BAALC: variants seen among roughly 807,000 people sequenced by gnomAD.
BAALC encodes BAALC binder of MAP3K1 and KLF4, also known as brain and acute leukemia cytoplasmic protein.
BAALC carries 9 observed loss-of-function variants against 15.5 expected under a neutral mutation model. The ratio of observed to expected loss-of-function variants is 0.58; its 90% CI spans 0.35 to 1.02. The LOEUF (loss-of-function observed/expected upper bound fraction) is 1.02. Among genes scored for constraint, BAALC ranks in the 50% least tolerant of loss-of-function variants. The pLI is 0.02. For missense variants in BAALC, 201 were observed against 192.4 expected, an observed-to-expected ratio of 1.04 and a Z score of -0.27; for synonymous variants, 80 against 74.6, an observed-to-expected ratio of 1.07 and a Z score of -0.37.
At chr8:103,168,003 C>T (rs1811386984) in intron 1 of BAALC, among the ~76,000 whole-genome samples, 1 of 152,168 alleles carries the variant, frequency 6.6e-6, no homozygotes, top group African/African-American at 2.4e-5. Context: ...CCTGACTTCT[C>T]TTTCAGAGCA....
rs776617978 is a variant in BAALC, at chr8:103,213,057, A to G, written c.299A>G (p.Gln100Arg). Reference protein sequence around the residue: ...PQSLSSGPLTQKQNGLQTTEA... With the variant: ...PQSLSSGPLTRKQNGLQTTEA... ...AGCCTCAGCTCAGGCCCTCTGACCC[A>G]GAAACAGAATGGCCTTCAGACCACA... is the stretch of plus-strand genomic sequence containing the variant. Residue 100 changes from glutamine to arginine, a missense_variant, in exon 2 of 3, where the codon CAG becomes CGG. Gln to Arg is a conservative substitution (Grantham distance 43, BLOSUM62 1). Coordinates refer to ENST00000309982, the MANE Select transcript of BAALC (RefSeq NM_024812.3). 1 of 1,614,040 alleles carries G rather than the reference A, an allele frequency of 6.2e-7. No individual in the cohort carries two copies. The highest frequency in any genetic ancestry group is 2.2e-5 in the East Asian group (1 of 44,864).
rs747981977 is a variant in BAALC, at chr8:103,141,019, C to G, written c.122C>G (p.Ala41Gly). The change falls in exon 1 of 3, where the codon GCC (alanine) becomes GGC (glycine). Residue 41 changes from alanine (A) to glycine (G), a missense_variant. Transcript: ENST00000309982. The part of the protein sequence containing the change: ...TDSDAPPSAA[A>G]PDSGPEAGGL... ...TCGGACGCGCCGCCCAGCGCCGCCGCCCCGGACAGCGGCCCCGAAGCGGGC... is the reference window on the plus strand; with the variant it reads ...TCGGACGCGCCGCCCAGCGCCGCCGGCCCGGACAGCGGCCCCGAAGCGGGC... The G allele has an allele frequency of 7.2e-6, 11 of 1,519,626 alleles. No individual in the cohort carries two copies. Among genetic ancestry groups the G allele is most frequent in the Admixed American group, 2.1e-5 (1 of 47,600 alleles). 94.1% of individuals were successfully genotyped at this position (1,519,626 alleles called of 1,614,324 possible).
intron 2 of BAALC, among the ~76,000 whole-genome samples, chr8:103,219,875 G>A (rs965275498): frequency 3.9e-5 from 6 of 152,160 alleles, no homozygotes; most frequent in African/African-American, 7.2e-5. Flanking sequence ...CAAAGCTCTC[G>A]TCTTTAATCT....
intron 2 of BAALC, among the ~76,000 whole-genome samples, chr8:103,225,615 A>G (rs1259449540): frequency 6.6e-6 from 1 of 152,164 alleles, no homozygotes; most frequent in Non-Finnish European, 1.5e-5. Flanking sequence ...AGATCCCACA[A>G]GGAGACCTGG....
At chr8:103,171,316 AGT>A (rs1425267484) in intron 1 of BAALC, among the ~76,000 whole-genome samples, 1 of 149,748 alleles carries the variant, frequency 6.7e-6, no homozygotes, top group Non-Finnish European at 1.5e-5. Context: ...AGGAGGAAAC[AGT>A]GAGAGAAAGA....
At chr8:103,171,411 AAAG>A (rs1311497757) in intron 1 of BAALC, among the ~76,000 whole-genome samples, 1 of 105,006 alleles carries the variant, frequency 9.5e-6, no homozygotes, top group East Asian at 2.4e-4. Flanking sequence ...GAAAGAAAGA[AAAG>A]AGAGAGAATG....
At chr8:103,220,869 A>G (rs1213363138) in intron 2 of BAALC, among the ~76,000 whole-genome samples, 1 of 152,180 alleles carries the variant, frequency 6.6e-6, no homozygotes, top group African/African-American at 2.4e-5. Context: ...TTGGTGTCTC[A>G]CACATCATAA....
intron 2 of BAALC, 83 bp downstream of exon 2, chr8:103,213,168 G>T: frequency 7.1e-7 from 1 of 1,416,558 alleles, no homozygotes; most frequent in Non-Finnish European, 9.5e-7. Context: ...CAGCCGCTAT[G>T]TCCAGGGAGG....
intron 1 of BAALC, among the ~76,000 whole-genome samples, chr8:103,161,902 C>T (rs1811233261): frequency 6.6e-6 from 1 of 152,140 alleles, no homozygotes; most frequent in Admixed American, 6.6e-5. Context: ...TCTGGAAAAA[C>T]TGCCATTTCT....
intron 1 of BAALC, among the ~76,000 whole-genome samples, chr8:103,193,089 C>A (rs1014332703): frequency 3.3e-5 from 5 of 152,188 alleles, no homozygotes; most frequent in African/African-American, 1.2e-4. Context: ...TTCAGCATAA[C>A]CAAGTTTCAG....
chr8:103,159,584 G>T (rs1811176657), intron 1 of BAALC, among the ~76,000 whole-genome samples: 1 of 151,972 alleles, frequency 6.6e-6, no homozygotes, highest in Non-Finnish European at 1.5e-5. Flanking sequence ...ATATTGGATG[G>T]GTTTTAACTC....
intron 1 of BAALC, among the ~76,000 whole-genome samples, chr8:103,174,227 A>G (rs944713866): frequency 1.3e-5 from 2 of 149,220 alleles, no homozygotes; most frequent in Admixed American, 6.7e-5. Flanking sequence ...ACAAATTCCA[A>G]TTTGGTTGTC....
intron 1 of BAALC, among the ~76,000 whole-genome samples, chr8:103,178,528 A>T (rs1811652674): frequency 6.6e-6 from 1 of 152,170 alleles, no homozygotes; most frequent in South Asian, 2.1e-4. Context: ...ACTCTGTACG[A>T]TTTCTTACAA....
chr8:103,165,671 T>C (rs1255313401), intron 1 of BAALC: 2 of 152,324 alleles, frequency 1.3e-5, no homozygotes, highest in East Asian at 1.9e-4. Context: ...TTATGACTTA[T>C]TTGTTTTTGC....
chr8:103,180,514 C>T (rs1811702877), intron 1 of BAALC, among the ~76,000 whole-genome samples: 1 of 152,196 alleles, frequency 6.6e-6, no homozygotes, highest in Non-Finnish European at 1.5e-5. Context: ...AAAGCACCAA[C>T]CTCACATGTT....
chr8:103,186,565 C>A (rs750981783), intron 1 of BAALC, among the ~76,000 whole-genome samples: 1 of 152,162 alleles, frequency 6.6e-6, no homozygotes, highest in Non-Finnish European at 1.5e-5. Context: ...CCAATAGAGA[C>A]GATTTTTTGT....
intron 1 of BAALC, chr8:103,165,818 CACTT>C (rs1811333480): frequency 6.6e-6 from 1 of 152,224 alleles, no homozygotes; most frequent in Admixed American, 6.5e-5. Context: ...GTTAGTAAGA[CACTT>C]ACCCTCTTTG....
intron 1 of BAALC, among the ~76,000 whole-genome samples, chr8:103,171,325 AAGAG>A (rs1034620002): frequency 5.4e-5 from 8 of 148,456 alleles, no homozygotes; most frequent in Non-Finnish European, 1.2e-4. Context: ...CAGTGAGAGA[AAGAG>A]AGAAAGAAGG....
intron 1 of BAALC, among the ~76,000 whole-genome samples, chr8:103,184,345 G>A (rs566810828): frequency 1.3e-5 from 2 of 152,208 alleles, no homozygotes; most frequent in African/African-American, 2.4e-5. Flanking sequence ...CTTTGGGACC[G>A]AGGGTTATTC....
Sources: gnomAD v4.1 joint callset for allele counts (sites outside exome capture counted in the v4.1 genomes callset) on GRCh38, gnomAD v4.1.1 for gene constraint, MANE v1.5 for transcripts, NCBI Gene and HGNC (gene_info 2026-07-23, HGNC 2026-07-21) for gene names.